CHLSN: variants seen among roughly 807,000 people sequenced by gnomAD.
CHLSN encodes cholesin, also known as protein cholesin.
the CHLSN span, among the ~76,000 whole-genome samples, chr7:1,126,643 T>C: frequency 6.6e-6 from 1 of 152,020 alleles, no homozygotes; most frequent in Non-Finnish European, 1.5e-5. Flanking sequence ...ATCCCACCAC[T>C]GCACTCCAGC....
chr7:993,283 G>A, the CHLSN span, among the ~76,000 whole-genome samples: 26,977 of 152,126 alleles, frequency 0.18, 2,846 homozygotes, highest in African/African-American at 0.3. Flanking sequence ...GGCACACGGC[G>A]CCCGGCCAGG....
the CHLSN span, among the ~76,000 whole-genome samples, chr7:1,106,870 C>G: frequency 6.6e-6 from 1 of 152,224 alleles, no homozygotes; most frequent in Non-Finnish European, 1.5e-5. Flanking sequence ...GGTGAACACA[C>G]AAAGAGGAAG....
chr7:1,123,255 G>A, the CHLSN span, among the ~76,000 whole-genome samples: 1 of 152,238 alleles, frequency 6.6e-6, no homozygotes, highest in Non-Finnish European at 1.5e-5. This position sits in a 1 kb window ranked among gnomAD's most constrained non-coding sequence, Gnocchi z 4.4. Context: ...CCCAAGGGGC[G>A]ATGAAGTTCC....
the CHLSN span, among the ~76,000 whole-genome samples, chr7:1,095,206 C>G: frequency 2.6e-5 from 4 of 151,792 alleles, no homozygotes; most frequent in East Asian, 7.7e-4. Context: ...GCCCCAGGGA[C>G]GAGACTTGCC....
chr7:1,115,722 G>A, the CHLSN span, among the ~76,000 whole-genome samples: 5 of 113,348 alleles, frequency 4.4e-5, no homozygotes, highest in African/African-American at 1.0e-4. Context: ...TCTACGGACC[G>A]GCTTCCATCA....
the CHLSN span, among the ~76,000 whole-genome samples, chr7:1,085,944 G>C: frequency 6.6e-6 from 1 of 152,216 alleles, no homozygotes; most frequent in Non-Finnish European, 1.5e-5. Context: ...CTTGGAGACG[G>C]AAGTTCCTGC....
chr7:984,767 C>T, the CHLSN span, among the ~76,000 whole-genome samples: 48 of 152,278 alleles, frequency 3.2e-4, no homozygotes, highest in African/African-American at 9.4e-4. Context: ...AACCAGCAAG[C>T]GGGGTTCTTT....
chr7:1,119,967 A>T, the CHLSN span, among the ~76,000 whole-genome samples: 16 of 152,314 alleles, frequency 1.1e-4, no homozygotes, highest in East Asian at 9.6e-4. Flanking sequence ...GATCCCTATC[A>T]CACATAAAAC....
At chr7:1,059,179 T>G in the CHLSN span, 4 of 167,904 alleles carry the variant, frequency 2.4e-5, no homozygotes, top group Admixed American at 1.9e-4. Context: ...TCAGCTGAGG[T>G]TTTTTTCAGT....
the CHLSN span, among the ~76,000 whole-genome samples, chr7:1,070,511 GCACA>G: frequency 6.7e-6 from 1 of 148,254 alleles, no homozygotes; most frequent in Non-Finnish European, 1.5e-5. Flanking sequence ...GCGCACACAT[GCACA>G]CATGCATACA....
the CHLSN span, among the ~76,000 whole-genome samples, chr7:1,124,991 C>T: frequency 5.3e-5 from 8 of 152,242 alleles, no homozygotes; most frequent in East Asian, 1.2e-3. Context: ...TTCCCTCGCC[C>T]GGGGGGTGGC....
the CHLSN span, among the ~76,000 whole-genome samples, chr7:1,133,646 C>T: frequency 4.1e-5 from 6 of 147,438 alleles, no homozygotes; most frequent in South Asian, 6.8e-4. Context: ...CCCAACTACT[C>T]GGGAGGCTGA....
At chr7:1,071,497 C>G in the CHLSN span, among the ~76,000 whole-genome samples, 1 of 152,052 alleles carries the variant, frequency 6.6e-6, no homozygotes, top group African/African-American at 2.4e-5. Context: ...CCACACAATA[C>G]ATTAAAAACC....
chr7:1,016,198 A>C, the CHLSN span, among the ~76,000 whole-genome samples: 7 of 92,408 alleles, frequency 7.6e-5, no homozygotes, highest in Non-Finnish European at 1.2e-4. Context: ...AGCACACAGC[A>C]GCGCACGCCA....
the CHLSN span, among the ~76,000 whole-genome samples, chr7:1,105,939 C>A: frequency 2.0e-5 from 3 of 152,168 alleles, no homozygotes; most frequent in African/African-American, 7.2e-5. Flanking sequence ...TCGGCCGTGT[C>A]AGAAAGACGC....
the CHLSN span, among the ~76,000 whole-genome samples, chr7:1,049,818 G>C: frequency 2.6e-5 from 4 of 152,230 alleles, no homozygotes; most frequent in African/African-American, 4.8e-5. Context: ...GGGCACCACT[G>C]TACTGGGTTC....
the CHLSN span, among the ~76,000 whole-genome samples, chr7:1,089,604 G>A: frequency 6.6e-6 from 1 of 151,676 alleles, no homozygotes; most frequent in African/African-American, 2.4e-5. Flanking sequence ...TCTTTTTTTA[G>A]TAGAGACAGG....
chr7:1,087,013 G>A, the CHLSN span: 1 of 152,270 alleles, frequency 6.6e-6, no homozygotes, highest in Non-Finnish European at 1.5e-5. Context: ...GGCTTGGGGG[G>A]CCTCGCTCTG....
At chr7:979,522 T>G in the CHLSN span, among the ~76,000 whole-genome samples, 1 of 152,004 alleles carries the variant, frequency 6.6e-6, no homozygotes, top group Non-Finnish European at 1.5e-5. Context: ...GTGGCCACGG[T>G]GGGCGGATCA....
Sources: allele counts gnomAD v4.1 joint callset (sites outside exome capture counted in the v4.1 genomes callset), GRCh38; gene constraint gnomAD v4.1.1; non-coding constraint Gnocchi (gnomAD v3.1); transcripts MANE v1.5; gene names NCBI Gene and HGNC (gene_info 2026-07-23, HGNC 2026-07-21).